Variants in AGMO observed in about 807,000 individuals in gnomAD.
AGMO encodes the protein alkylglycerol monooxygenase, also known as glyceryl-ether monooxygenase.
AGMO carries 75 observed loss-of-function variants against 60.2 expected under a neutral mutation model. That is an observed-to-expected ratio of 1.25 (90% CI 1.03 to 1.51). The LOEUF (loss-of-function observed/expected upper bound fraction) is 1.51. Ranked by LOEUF, AGMO falls within the 40% of genes most tolerant of loss-of-function variation. The probability of loss-of-function intolerance (pLI) is 0.00; values close to 1 mark genes in which losing one functional copy is unlikely to be tolerated. For synonymous variants in AGMO, 261 were observed against 177.1 expected (o/e 1.47, Z -3.76); for missense variants, 763 against 525.5 (o/e 1.45, Z -4.42).
At position 15,394,168 on chromosome 7, in the gene AGMO, G is replaced by T. The variant is rs565738776; in HGVS notation, c.621C>A (p.Asn207Lys). Residue 207 changes from asparagine (N) to lysine (K), a missense_variant, in exon 6 of 13, where the codon AAC becomes AAA. Asn to Lys is a moderately conservative substitution (Grantham distance 94, BLOSUM62 0). Transcript: ENST00000342526. ...QFWIHTEVIN[N>K]LGPLELILNT... Reference sequence around the variant, plus strand: ...TAAGAATCAGTTCCAAAGGACCAAGGTTATTGATGACCTGTTTAAAACAGA... The same window carrying T: ...TAAGAATCAGTTCCAAAGGACCAAGTTTATTGATGACCTGTTTAAAACAGA... 7 of 1,608,334 alleles carry T rather than the reference G, an allele frequency of 4.4e-6. No individual in the cohort carries two copies. The African/African-American group carries it at 8.0e-5, about 18-fold the overall frequency.
chr7:15,233,116 G>A (rs1010822381), intron 12 of AGMO, among the ~76,000 whole-genome samples: 1 of 152,126 alleles, frequency 6.6e-6, no homozygotes, highest in Non-Finnish European at 1.5e-5. Context: ...AAAAAGGCAA[G>A]AATTCTAAGA....
chr7:15,426,770 G>T (rs1482129888), intron 4 of AGMO, among the ~76,000 whole-genome samples: 2 of 151,802 alleles, frequency 1.3e-5, no homozygotes, highest in African/African-American at 4.8e-5. Context: ...TTTTTTGGAA[G>T]GATAGAACAA....
chr7:15,415,223 A>G (rs1324535155), intron 5 of AGMO, among the ~76,000 whole-genome samples: 1 of 151,842 alleles, frequency 6.6e-6, no homozygotes, highest in Non-Finnish European at 1.5e-5. Flanking sequence ...CAGCCTCACG[A>G]GTAGCTGGGA....
intron 12 of AGMO, among the ~76,000 whole-genome samples, chr7:15,209,632 A>C (rs183606326): frequency 3.0e-4 from 46 of 152,294 alleles, no homozygotes; most frequent in South Asian, 1.9e-3. Flanking sequence ...GTTCTGCCAG[A>C]GATGGGACTG....
rs933538892 is a variant in AGMO, at chr7:15,308,238, C to T, written c.1263+57276G>A. ...CAGACTTTTACCCCTCACACAAGCA[C>T]CATCAATCCAAATCCTTGGTTACTC... is the stretch of plus-strand genomic sequence containing the variant. On this transcript the variant is annotated intron_variant, in intron 12 of 12. Transcript: ENST00000342526. Among the ~76,000 whole-genome samples, 45 of 152,104 alleles carry T rather than the reference C, an allele frequency of 3.0e-4. 1 individual carries two copies. The highest frequency in any genetic ancestry group is 1.9e-4 in the Non-Finnish European group (13 of 67,996).
intron 12 of AGMO, among the ~76,000 whole-genome samples, chr7:15,343,859 TTGTAGTA>T (rs1781941262): frequency 6.6e-6 from 1 of 152,190 alleles, no homozygotes; most frequent in Non-Finnish European, 1.5e-5. Context: ...CTTGCCTTTC[TTGTAGTA>T]TGTCTTAAGC....
intron 1 of AGMO, 139 bp from the exon 2 acceptor site, chr7:15,560,410 A>T: frequency 1.3e-6 from 1 of 790,986 alleles, no homozygotes; most frequent in Non-Finnish European, 1.9e-6. Context: ...ATTTTAGAGG[A>T]TTACTTCCTA....
chr7:15,513,110 G>C (rs993727610), intron 3 of AGMO, among the ~76,000 whole-genome samples: 1 of 152,100 alleles, frequency 6.6e-6, no homozygotes, highest in African/African-American at 2.4e-5. Flanking sequence ...ATCTGCAGTT[G>C]AGTTTCATTT....
intron 10 of AGMO, among the ~76,000 whole-genome samples, chr7:15,374,020 G>C (rs1562467879): frequency 6.6e-6 from 1 of 152,128 alleles, no homozygotes; most frequent in Non-Finnish European, 1.5e-5. Context: ...CTGCAGCTCT[G>C]AGGGCCCCAA....
At chr7:15,547,478 A>C (rs987402825) in intron 2 of AGMO, among the ~76,000 whole-genome samples, 16 of 152,212 alleles carry the variant, frequency 1.1e-4, no homozygotes, top group African/African-American at 3.9e-4. Flanking sequence ...CGCGAGCCGA[A>C]GCAGGGCAAG....
In AGMO at chr7:15,390,652, T is replaced by C. The variant is rs1025561434; in HGVS notation, c.822+19A>G. ...TGAAATGATATAAATGAAGAAAGAATAAAAAACAAGTATGTTACCTGCACT... is the reference window on the plus strand; with the variant it reads ...TGAAATGATATAAATGAAGAAAGAACAAAAAACAAGTATGTTACCTGCACT... On this transcript the variant is annotated intron_variant, in intron 8 of 12. Coordinates refer to ENST00000342526, the MANE Select transcript of AGMO (RefSeq NM_001004320.2). The C allele has an allele frequency of 6.6e-7, 1 of 1,524,200 alleles. No individual in the cohort carries two copies. Among genetic ancestry groups the C allele is most frequent in the South Asian group, 1.2e-5 (1 of 82,118 alleles). The allele number at this position is 1,524,200 out of a possible 1,614,324, so 94.4% of individuals were successfully genotyped here.
chr7:15,365,669 A>G lies in AGMO; in HGVS notation c.1158-50T>C, dbSNP rs1782948146. On this transcript the variant is annotated intron_variant, in intron 11 of 12. Coordinates refer to ENST00000342526, the MANE Select transcript of AGMO (RefSeq NM_001004320.2). Reference sequence around the variant, plus strand: ...CATTAGCTTTAAATATGCTCTTTATATGTTCACATGTTATAATTAATATAA... The same window carrying G: ...CATTAGCTTTAAATATGCTCTTTATGTGTTCACATGTTATAATTAATATAA... 5 of 1,193,168 alleles carry G rather than the reference A, an allele frequency of 4.2e-6. 1 individual carries two copies. In the South Asian group the frequency reaches 6.6e-5, roughly 16 times the overall value. The allele number at this position is 1,193,168 out of a possible 1,614,324, so 73.9% of individuals were successfully genotyped here. A position where few individuals can be genotyped will look rare whatever the true frequency, so the allele number is the denominator to read the frequency against.
intron 12 of AGMO, among the ~76,000 whole-genome samples, chr7:15,312,777 G>C (rs59737076): frequency 0.031 from 4,679 of 151,180 alleles, 274 homozygotes; most frequent in African/African-American, 0.11. Context: ...TCTGCCTCCT[G>C]GGCTCAAGAG....
Position 15,390,702 on chromosome 7 carries a change from G to A in AGMO, c.791C>T (p.Pro264Leu). The change falls in exon 8 of 13, where the codon CCC becomes CTC. Residue 264 changes from proline to leucine, a missense_variant. Transcript: ENST00000342526. Reference protein sequence around the residue: ...NEKVVYGLTHPINTFEPIKVQ... With the variant: ...NEKVVYGLTHLINTFEPIKVQ... ...TTTGATTGGTTCAAATGTATTAATG[G>A]GATGTGTTAAGCCATATACAACTTT... 6.2e-7 allele frequency: 1 copy of A among 1,609,460 alleles called. No individual in the cohort carries two copies. The highest frequency in any genetic ancestry group is 8.5e-7 in the Non-Finnish European group (1 of 1,177,078).
chr7:15,160,145 T>C, the AGMO span, among the ~76,000 whole-genome samples: 181 of 152,260 alleles, frequency 1.2e-3, no homozygotes, highest in African/African-American at 3.8e-3. Flanking sequence ...TGTTGATATT[T>C]TCATAGCACC....
At chr7:15,193,221 T>C in the AGMO span, among the ~76,000 whole-genome samples, 16 of 138,926 alleles carry the variant, frequency 1.2e-4, no homozygotes, top group East Asian at 1.5e-3. Flanking sequence ...TAACAAGCTA[T>C]AAAATACAGC....
At chr7:15,119,342 A>C in the AGMO span, among the ~76,000 whole-genome samples, 2 of 152,030 alleles carry the variant, frequency 1.3e-5, no homozygotes, top group Non-Finnish European at 2.9e-5. Context: ...ACTGTGAGCC[A>C]ATTAAACCTC....
At chr7:15,256,142 A>T (rs1017048910) in intron 12 of AGMO, among the ~76,000 whole-genome samples, 2 of 152,178 alleles carry the variant, frequency 1.3e-5, no homozygotes, top group Admixed American at 1.3e-4. Context: ...AGTTATTGGT[A>T]ATGACAGAAT....
chr7:15,443,177 T>C (rs1304105818), intron 3 of AGMO, among the ~76,000 whole-genome samples: 3 of 152,186 alleles, frequency 2.0e-5, no homozygotes, highest in Non-Finnish European at 4.4e-5. Context: ...CCTCTGTGCT[T>C]ATGATGAGGC....
Sources: gnomAD v4.1 joint callset for allele counts (sites outside exome capture counted in the v4.1 genomes callset) on GRCh38, gnomAD v4.1.1 for gene constraint, MANE v1.5 for transcripts, NCBI Gene and HGNC (gene_info 2026-07-23, HGNC 2026-07-21) for gene names.